HAPSTR1: variants seen among roughly 807,000 people sequenced by gnomAD.
HAPSTR1 encodes HUWE1-associated protein modifying stress responses 1.
the HAPSTR1 span, chr16:9,107,905 C>G: frequency 2.0e-5 from 3 of 152,008 alleles, no homozygotes; most frequent in African/African-American, 7.3e-5. Context: ...AGCAAAGAAC[C>G]TGACATAGGT....
chr16:9,116,789 C>T, the HAPSTR1 span: 1 of 1,614,040 alleles, frequency 6.2e-7, no homozygotes. Flanking sequence ...TCGATTTGAA[C>T]ACTTTCATAT....
At chr16:9,103,285 T>G in the HAPSTR1 span, 1 of 1,597,532 alleles carries the variant, frequency 6.3e-7, no homozygotes, top group Non-Finnish European at 8.5e-7. Flanking sequence ...CATATTTCTT[T>G]GGAAAAATGG....
the HAPSTR1 span, among the ~76,000 whole-genome samples, chr16:9,095,778 C>T: frequency 1.3e-5 from 2 of 152,118 alleles, no homozygotes; most frequent in Non-Finnish European, 2.9e-5. Context: ...TGAACTTCAG[C>T]AAGGACAGAA....
the HAPSTR1 span, among the ~76,000 whole-genome samples, chr16:9,093,402 C>T: frequency 6.6e-6 from 1 of 152,154 alleles, no homozygotes; most frequent in Non-Finnish European, 1.5e-5. Context: ...GCCTTGCCTC[C>T]CTCTGGAAAA....
At chr16:9,111,244 T>A in the HAPSTR1 span, 2 of 151,662 alleles carry the variant, frequency 1.3e-5, no homozygotes, top group Non-Finnish European at 2.9e-5. Context: ...GCAGTCTGCA[T>A]CTTCTTGAAG....
chr16:9,117,755 C>G, the HAPSTR1 span: 1 of 152,414 alleles, frequency 6.6e-6, no homozygotes, highest in Non-Finnish European at 1.5e-5. Flanking sequence ...AATGGGCTTC[C>G]TTTTTGGTTC....
the HAPSTR1 span, among the ~76,000 whole-genome samples, chr16:9,100,345 C>T: frequency 1.3e-5 from 2 of 152,134 alleles, no homozygotes; most frequent in Admixed American, 1.3e-4. Flanking sequence ...TAGTCCCTTG[C>T]AGATCTGACT....
the HAPSTR1 span, among the ~76,000 whole-genome samples, chr16:9,101,746 T>C: frequency 6.6e-6 from 1 of 151,774 alleles, no homozygotes; most frequent in Non-Finnish European, 1.5e-5. Context: ...TGGATGATTT[T>C]TTTTTTTTTT....
At chr16:9,106,545 C>T in the HAPSTR1 span, 1 of 151,890 alleles carries the variant, frequency 6.6e-6, no homozygotes, top group African/African-American at 2.4e-5. Context: ...CTGCTTGCCC[C>T]TAAGTGGTGG....
the HAPSTR1 span, among the ~76,000 whole-genome samples, chr16:9,093,297 A>G: frequency 6.6e-6 from 1 of 152,282 alleles, no homozygotes; most frequent in South Asian, 2.1e-4. Flanking sequence ...GCAGTGCCCA[A>G]GATAACCGCC....
At chr16:9,095,686 G>A in the HAPSTR1 span, among the ~76,000 whole-genome samples, 8 of 152,000 alleles carry the variant, frequency 5.3e-5, no homozygotes, top group African/African-American at 1.9e-4. Flanking sequence ...TTGTCAGAGG[G>A]CTTTTGAAAA....
At chr16:9,108,152 G>A in the HAPSTR1 span, 21 of 152,036 alleles carry the variant, frequency 1.4e-4, no homozygotes, top group African/African-American at 4.8e-4. Flanking sequence ...TGTTTACTTT[G>A]TAAAAGCATC....
chr16:9,091,910 G>C, the HAPSTR1 span: 1 of 695,736 alleles, frequency 1.4e-6, no homozygotes, highest in East Asian at 3.6e-5. Flanking sequence ...CAGGAGGCCT[G>C]GGCCGCTGAA....
chr16:9,099,527 T>C, the HAPSTR1 span, among the ~76,000 whole-genome samples: 1 of 152,186 alleles, frequency 6.6e-6, no homozygotes, highest in African/African-American at 2.4e-5. Flanking sequence ...GAAATGAATG[T>C]GTTGTGGTTA....
the HAPSTR1 span, chr16:9,091,873 G>C: frequency 3.9e-5 from 18 of 460,242 alleles, no homozygotes; most frequent in Non-Finnish European, 5.3e-5. Context: ...CGGGGCCGCG[G>C]GGCGGGGCTC....
chr16:9,113,092 A>T, the HAPSTR1 span: 1 of 137,860 alleles, frequency 7.3e-6, no homozygotes, highest in Admixed American at 7.7e-5. Flanking sequence ...TATAGGTCTG[A>T]TTGTTTATGT....
the HAPSTR1 span, among the ~76,000 whole-genome samples, chr16:9,116,012 G>A: frequency 6.6e-6 from 1 of 152,218 alleles, no homozygotes; most frequent in Admixed American, 6.5e-5. Context: ...CATGATTGAG[G>A]CTGTCCTGAA....
At chr16:9,109,860 C>G in the HAPSTR1 span, 3 of 152,084 alleles carry the variant, frequency 2.0e-5, no homozygotes, top group Admixed American at 6.5e-5. Context: ...ATTGCCGAGG[C>G]CTTTTTGGTT....
chr16:9,117,193 A>G, the HAPSTR1 span: 4 of 378,818 alleles, frequency 1.1e-5, no homozygotes, highest in Non-Finnish European at 1.9e-5. Context: ...CAAGGCTAAA[A>G]GTGACCTTAA....
Sources: allele counts gnomAD v4.1 joint callset (sites outside exome capture counted in the v4.1 genomes callset), GRCh38; gene constraint gnomAD v4.1.1; transcripts MANE v1.5; gene names NCBI Gene and HGNC (gene_info 2026-07-23, HGNC 2026-07-21).